SLC24A2: variants seen among roughly 807,000 people sequenced by gnomAD.
The protein encoded by SLC24A2 is sodium/potassium/calcium exchanger 2.
SLC24A2 carries 36 observed loss-of-function variants against 62.0 expected under a neutral mutation model. The ratio of observed to expected loss-of-function variants is 0.58; its 90% confidence interval spans 0.44 to 0.77. The LOEUF (loss-of-function observed/expected upper bound fraction) is 0.77, where lower values mean the gene tolerates loss of function less well. Among genes scored for constraint, SLC24A2 ranks in the 30% least tolerant of loss-of-function variants. The pLI is 0.00. For missense variants in SLC24A2, 846 were observed against 817.9 expected, an observed-to-expected ratio of 1.03 and a Z score of -0.42; for synonymous variants, 358 against 294.0, an observed-to-expected ratio of 1.22 and a Z score of -2.23.
intron 8 of SLC24A2, among the ~76,000 whole-genome samples, chr9:19,543,132 C>A (rs369406362): frequency 6.6e-6 from 1 of 152,008 alleles, no homozygotes; most frequent in African/African-American, 2.4e-5. Context: ...TTCAGGGATT[C>A]GACTTCTTCC....
At chr9:19,892,207 A>G in the SLC24A2 span, among the ~76,000 whole-genome samples, 2 of 152,274 alleles carry the variant, frequency 1.3e-5, no homozygotes, top group South Asian at 4.1e-4. Context: ...CATAGTTCAC[A>G]TTCTACTAAA....
chr9:20,035,158 G>A, the SLC24A2 span, among the ~76,000 whole-genome samples: 2 of 152,176 alleles, frequency 1.3e-5, no homozygotes, highest in South Asian at 4.1e-4. Context: ...ACTGACATTA[G>A]GAAAACCATT....
the SLC24A2 span, among the ~76,000 whole-genome samples, chr9:19,960,076 G>C: frequency 6.6e-6 from 1 of 152,178 alleles, no homozygotes; most frequent in Admixed American, 6.5e-5. Context: ...TTGAGGATAA[G>C]CTATTGGCAG....
chr9:20,049,395 A>G, the SLC24A2 span, among the ~76,000 whole-genome samples: 1 of 152,182 alleles, frequency 6.6e-6, no homozygotes, highest in African/African-American at 2.4e-5. Flanking sequence ...CTAGCTAGCT[A>G]AACTAAATAG....
the SLC24A2 span, among the ~76,000 whole-genome samples, chr9:19,840,819 G>A: frequency 6.6e-6 from 1 of 152,086 alleles, no homozygotes; most frequent in Non-Finnish European, 1.5e-5. Context: ...AGTTTTACCA[G>A]TTACAGAACT....
chr9:19,893,159 A>G, the SLC24A2 span, among the ~76,000 whole-genome samples: 2 of 152,224 alleles, frequency 1.3e-5, no homozygotes, highest in Admixed American at 6.5e-5. Flanking sequence ...CGGGCAGAGA[A>G]GCAAGTAGGG....
At chr9:19,533,454 G>T (rs1236353971) in intron 8 of SLC24A2, among the ~76,000 whole-genome samples, 2 of 152,176 alleles carry the variant, frequency 1.3e-5, no homozygotes, top group Admixed American at 6.6e-5. Flanking sequence ...CTGGCCTTAT[G>T]ACTTGCTTTG....
At chr9:20,229,108 T>C in the SLC24A2 span, among the ~76,000 whole-genome samples, 2 of 152,084 alleles carry the variant, frequency 1.3e-5, no homozygotes, top group Non-Finnish European at 2.9e-5. Context: ...GTACATACAA[T>C]CCATTTTCTA....
At chr9:20,081,735 G>T in the SLC24A2 span, among the ~76,000 whole-genome samples, 2 of 152,018 alleles carry the variant, frequency 1.3e-5, no homozygotes, top group African/African-American at 4.8e-5. Flanking sequence ...GGTTTGAGAG[G>T]ACCTCAACAG....
At chr9:20,185,420 C>G in the SLC24A2 span, among the ~76,000 whole-genome samples, 2 of 151,962 alleles carry the variant, frequency 1.3e-5, no homozygotes, top group Non-Finnish European at 2.9e-5. Context: ...AATCCCAGCA[C>G]TTTGGGAGGC....
intron 2 of SLC24A2, among the ~76,000 whole-genome samples, chr9:19,758,154 G>T (rs1338456998): frequency 1.3e-5 from 2 of 152,122 alleles, no homozygotes; most frequent in Non-Finnish European, 2.9e-5. Context: ...GAAGAGATTT[G>T]ATCACTGCGT....
the SLC24A2 span, among the ~76,000 whole-genome samples, chr9:20,182,230 T>G: frequency 1.3e-5 from 2 of 152,186 alleles, no homozygotes; most frequent in African/African-American, 4.8e-5. Context: ...CCTCGAGTGA[T>G]TCCTCAAGGA....
the SLC24A2 span, among the ~76,000 whole-genome samples, chr9:20,103,577 C>A: frequency 6.6e-6 from 1 of 152,144 alleles, no homozygotes; most frequent in African/African-American, 2.4e-5. Context: ...CTGCTGATTC[C>A]CAGGCAAACA....
chr9:20,225,582 T>TATATATATA, the SLC24A2 span, among the ~76,000 whole-genome samples: 3 of 117,654 alleles, frequency 2.5e-5, no homozygotes, highest in African/African-American at 1.6e-4. Flanking sequence ...ATAATTTCAT[T>TATATATATA]TAAAGAAAGC....
intron 2 of SLC24A2, among the ~76,000 whole-genome samples, chr9:19,696,747 C>T (rs918429709): frequency 1.3e-5 from 2 of 152,104 alleles, no homozygotes; most frequent in African/African-American, 4.8e-5. Flanking sequence ...CATAGCACTT[C>T]TAAGAAAATC....
chr9:19,517,596 G>A (rs978938982), intron 10 of SLC24A2, among the ~76,000 whole-genome samples: 2 of 152,140 alleles, frequency 1.3e-5, no homozygotes, highest in East Asian at 1.9e-4. Flanking sequence ...GGGCCAAGCT[G>A]AAGTGATTGA....
the SLC24A2 span, among the ~76,000 whole-genome samples, chr9:20,107,696 A>T: frequency 6.6e-6 from 1 of 152,168 alleles, no homozygotes; most frequent in Admixed American, 6.5e-5. Flanking sequence ...AAATTAATTC[A>T]AGTTGGATTA....
chr9:19,834,869 C>T, the SLC24A2 span, among the ~76,000 whole-genome samples: 9 of 152,274 alleles, frequency 5.9e-5, no homozygotes, highest in Non-Finnish European at 8.8e-5. Context: ...AGACTAACAG[C>T]GGATCTCTCG....
the SLC24A2 span, among the ~76,000 whole-genome samples, chr9:20,102,069 A>G: frequency 1.3e-5 from 2 of 152,234 alleles, no homozygotes; most frequent in Non-Finnish European, 2.9e-5. Context: ...TGGTAGCCAC[A>G]AAAACAACAT....
Sources: allele counts gnomAD v4.1 joint callset (sites outside exome capture counted in the v4.1 genomes callset), GRCh38; gene constraint gnomAD v4.1.1; transcripts MANE v1.5; gene names NCBI Gene and HGNC (gene_info 2026-07-23, HGNC 2026-07-21).